MTHFD1L: variants seen among roughly 807,000 people sequenced by gnomAD.
MTHFD1L encodes monofunctional C1-tetrahydrofolate synthase, mitochondrial.
Under a neutral mutation model 119.5 loss-of-function variants are expected in MTHFD1L, and 81 were observed. The observed-to-expected ratio is 0.68, with a 90% confidence interval of 0.57 to 0.82. The LOEUF (loss-of-function observed/expected upper bound fraction) is 0.82. MTHFD1L is among the 40% of genes least tolerant of loss of function. The pLI is 0.00. For synonymous variants in MTHFD1L, 430 were observed against 475.2 expected, an observed-to-expected ratio of 0.90 and a Z score of 1.24; for missense variants, 1,125 against 1,253.4, an observed-to-expected ratio of 0.90 and a Z score of 1.55.
rs1460281777 is a variant in MTHFD1L, at chr6:151,015,288, G to A, written c.2409-228G>A. On this transcript the variant is annotated intron_variant, in intron 23 of 27. Coordinates refer to ENST00000367321, the MANE Select transcript of MTHFD1L (RefSeq NM_015440.5). ...TGAATGATCAAAGGGATATGTTATG[G>A]AATTTTCTTGATAACACCCTTAACG... Among the ~76,000 whole-genome samples, 3 of 144,986 alleles carry A rather than the reference G, an allele frequency of 2.1e-5. No individual in the cohort carries two copies. The Admixed American group carries it at 2.1e-4, about 10-fold the overall frequency.
At chr6:150,990,308 G>C (rs1347116678) in intron 20 of MTHFD1L, among the ~76,000 whole-genome samples, 1 of 151,816 alleles carries the variant, frequency 6.6e-6, no homozygotes, top group Non-Finnish European at 1.5e-5. Context: ...CAAGAACCAT[G>C]ATGGATGATT....
intron 26 of MTHFD1L, among the ~76,000 whole-genome samples, chr6:151,078,456 A>G (rs570039725): frequency 2.0e-4 from 31 of 152,294 alleles, no homozygotes; most frequent in Admixed American, 1.7e-3. Flanking sequence ...AACAGCTCAC[A>G]TGTATTATCT....
At chr6:151,084,266 A>G (rs536043769) in intron 26 of MTHFD1L, among the ~76,000 whole-genome samples, 1 of 152,316 alleles carries the variant, frequency 6.6e-6, no homozygotes, top group African/African-American at 2.4e-5. Context: ...AGATGTGGAT[A>G]TTTGGCCCGG....
At chr6:150,920,181 T>A (rs1297308064) in intron 9 of MTHFD1L, among the ~76,000 whole-genome samples, 3 of 152,208 alleles carry the variant, frequency 2.0e-5, no homozygotes, top group African/African-American at 7.2e-5. Context: ...CGCCACTTCC[T>A]TTTATCCTGT....
At chr6:151,079,740 C>T (rs980839906) in intron 26 of MTHFD1L, among the ~76,000 whole-genome samples, 3 of 151,722 alleles carry the variant, frequency 2.0e-5, no homozygotes, top group Non-Finnish European at 2.9e-5. Context: ...CTGCCCACCT[C>T]GGCCTCCCAA....
intron 7 of MTHFD1L, among the ~76,000 whole-genome samples, chr6:150,892,098 C>A (rs193173381): frequency 6.6e-6 from 1 of 152,244 alleles, no homozygotes; most frequent in East Asian, 1.9e-4. Context: ...ATGGTGGCAG[C>A]CTATCCAAGA....
chr6:150,913,327 GT>G (rs112518853), intron 8 of MTHFD1L, among the ~76,000 whole-genome samples: 67,770 of 148,906 alleles, frequency 0.46, 16,350 homozygotes, highest in African/African-American at 0.63. Flanking sequence ...CGCCCGGCTA[GT>G]TTTTTTTTTT....
At chr6:150,915,796 G>T in intron 8 of MTHFD1L, among the ~76,000 whole-genome samples, 1 of 152,080 alleles carries the variant, frequency 6.6e-6, no homozygotes, top group East Asian at 1.9e-4. Context: ...TAGAGACAGG[G>T]TTTCACCTTG....
intron 26 of MTHFD1L, among the ~76,000 whole-genome samples, chr6:151,050,137 C>T (rs542564770): frequency 6.6e-6 from 1 of 152,314 alleles, no homozygotes; most frequent in East Asian, 1.9e-4. Flanking sequence ...CACACCTCTT[C>T]ATATGTGTCC....
intron 8 of MTHFD1L, among the ~76,000 whole-genome samples, chr6:150,911,651 A>G (rs769667112): frequency 2.6e-5 from 4 of 152,094 alleles, no homozygotes; most frequent in Admixed American, 6.6e-5. Context: ...AGAGAGAGGG[A>G]GGGCGTATTA....
intron 24 of MTHFD1L, among the ~76,000 whole-genome samples, chr6:151,021,073 G>A (rs1034942019): frequency 1.3e-5 from 2 of 152,164 alleles, no homozygotes; most frequent in African/African-American, 4.8e-5. Context: ...TTGGGATCAT[G>A]CAAATTAAGT....
chr6:150,939,138 G>A (rs1048291168), intron 13 of MTHFD1L: 2 of 215,420 alleles, frequency 9.3e-6, no homozygotes, highest in African/African-American at 4.5e-5. Flanking sequence ...ATGAGAGAAT[G>A]TGGGTCTGTG....
Position 151,029,834 on chromosome 6 carries a change from G to A in MTHFD1L, c.2587-4659G>A, listed in dbSNP as rs573004125. On this transcript the variant is annotated intron_variant, in intron 24 of 27. Transcript: ENST00000367321. ...TAAATAACAACTCAGCCATCCACTC[G>A]CATCAATTTATTCACTAGTCATTCG... Among the ~76,000 whole-genome samples the A allele has an allele frequency of 3.3e-5, 5 of 152,246 alleles. No individual in the cohort carries two copies. In the South Asian group the frequency reaches 6.2e-4, roughly 19 times the overall value.
chr6:151,011,645 C>T (rs1196982818), intron 21 of MTHFD1L, among the ~76,000 whole-genome samples: 1 of 152,182 alleles, frequency 6.6e-6, no homozygotes, highest in Non-Finnish European at 1.5e-5. Context: ...TCAGTGGTTG[C>T]ACTTTCGTGC....
At chr6:150,871,536 C>G (rs13199298) in intron 1 of MTHFD1L, among the ~76,000 whole-genome samples, 8,603 of 120,532 alleles carry the variant, frequency 0.071, 343 homozygotes, top group Middle Eastern at 0.15. Context: ...GAATCTTGCT[C>G]TGTCGCCCAG....
Position 150,918,621 on chromosome 6 carries a change from A to G in MTHFD1L, c.937A>G (p.Ile313Val), listed in dbSNP as rs775477103. ...GSPRIHFGGL[I>V]EEDDVILLAA... ...TCCAAGAATACATTTTGGTGGACTC[A>G]TTGAGGAAGATGATGTGATTCTCCT... is the stretch of plus-strand genomic sequence containing the variant. The change falls in exon 9 of 28, where the codon ATT becomes GTT. Residue 313 changes from isoleucine (I) to valine (V), a missense_variant. Ile to Val is a conservative substitution (Grantham distance 29). Around this residue, in one of 3 missense-constraint regions of MTHFD1L, gnomAD observed 1,058 missense variants for 1,151.2 expected, o/e 0.92. Transcript: ENST00000367321. 2.5e-6 allele frequency: 4 copies of G among 1,614,028 alleles called. No individual in the cohort carries two copies. Among genetic ancestry groups the G allele is most frequent in the Non-Finnish European group, 1.7e-6 (2 of 1,180,018 alleles).
In MTHFD1L at chr6:150,949,026, A is replaced by G. The variant is rs1385951199; in HGVS notation, c.1624-5A>G. On this transcript the variant is annotated splice_region_variant and splice_polypyrimidine_tract_variant and intron_variant, in intron 15 of 27. Transcript: ENST00000367321. The stretch of plus-strand genomic sequence containing the variant: ...CTTCTCACCTTTTTTCTTCTTAATC[A>G]TTAGAAACTGGGAATAAATAAGACT... 4.3e-6 allele frequency: 7 copies of G among 1,610,894 alleles called. No homozygotes were observed. Among genetic ancestry groups the G allele is most frequent in the Non-Finnish European group, 5.9e-6 (7 of 1,177,554 alleles).
intron 26 of MTHFD1L, among the ~76,000 whole-genome samples, chr6:151,091,070 T>C (rs1408939934): frequency 6.5e-4 from 70 of 107,888 alleles, no homozygotes; most frequent in African/African-American, 1.9e-3. Flanking sequence ...TGCAGCATCG[T>C]TCCATGCGAC....
At chr6:151,003,564 G>A (rs1046537248) in intron 20 of MTHFD1L, among the ~76,000 whole-genome samples, 3 of 151,964 alleles carry the variant, frequency 2.0e-5, no homozygotes, top group African/African-American at 7.3e-5. Context: ...TCAGAAAGAC[G>A]TTCTTTTTCA....
Sources: gnomAD v4.1 joint callset for allele counts (sites outside exome capture counted in the v4.1 genomes callset) on GRCh38, gnomAD v4.1.1 for gene constraint, gnomAD v4.1.1 regional missense constraint, MANE v1.5 for transcripts, NCBI Gene and HGNC (gene_info 2026-07-23, HGNC 2026-07-21) for gene names.